The following GABRA2 variants were observed in gnomAD, a reference collection of about 807,000 sequenced individuals.
GABRA2 encodes the protein gamma-aminobutyric acid receptor subunit alpha-2.
A neutral mutation model predicts 48.7 loss-of-function variants in GABRA2; 16 were observed. The observed-to-expected ratio is 0.33, with a 90% CI of 0.22 to 0.50. The LOEUF (loss-of-function observed/expected upper bound fraction) is 0.50, where lower values mean the gene tolerates loss of function less well. GABRA2 is among the 20% of genes least tolerant of loss of function. GABRA2 has a pLI of 0.98. For missense variants in GABRA2, 275 were observed against 535.6 expected (o/e 0.51, Z 4.80); for synonymous variants, 185 against 184.5 (o/e 1.00, Z -0.02).
chr4:46,281,403 C>G (rs1721505518), intron 8 of GABRA2, among the ~76,000 whole-genome samples: 1 of 152,016 alleles, frequency 6.6e-6, no homozygotes, highest in Non-Finnish European at 1.5e-5. Flanking sequence ...GCCAGATGAA[C>G]TCAAATATTT....
intron 8 of GABRA2, among the ~76,000 whole-genome samples, chr4:46,269,277 A>T (rs1277226103): frequency 6.6e-6 from 1 of 151,850 alleles, no homozygotes. Context: ...TGTATTAAAA[A>T]TCATAACATC....
rs531839950 is a variant in GABRA2 at position 46,257,164 on chromosome 4, G to A, written c.1059+4762C>T. The stretch of plus-strand genomic sequence containing the variant: ...ACTTACAATATAACTATAATGTAAT[G>A]AGATGTTGTAAAAATAATTTGTACC... On this transcript the variant is annotated intron_variant, in intron 9 of 9. Transcript: ENST00000381620. Among the ~76,000 whole-genome samples the A allele has an allele frequency of 4.6e-5, 7 of 151,768 alleles. No homozygotes were observed. In the South Asian group the frequency reaches 1.4e-3, roughly 31 times the overall value.
chr4:46,302,572 C>T (rs1412944909), intron 8 of GABRA2: 2 of 151,984 alleles, frequency 1.3e-5, no homozygotes, highest in Non-Finnish European at 2.9e-5. Context: ...GTTTTAAGAT[C>T]ATCACTCTTC....
chr4:46,270,703 A>C (rs1375095505), intron 8 of GABRA2, among the ~76,000 whole-genome samples: 1 of 152,014 alleles, frequency 6.6e-6, no homozygotes, highest in Non-Finnish European at 1.5e-5. Context: ...CAGCACTTTT[A>C]TATTTTGGTT....
chr4:46,298,383 C>T (rs769819371), intron 8 of GABRA2, among the ~76,000 whole-genome samples: 3 of 150,970 alleles, frequency 2.0e-5, no homozygotes, highest in Non-Finnish European at 4.4e-5. Context: ...CTTACAGAGA[C>T]AATCTTTACA....
intron 4 of GABRA2, among the ~76,000 whole-genome samples, chr4:46,316,791 C>T (rs1345163666): frequency 1.3e-5 from 2 of 151,930 alleles, no homozygotes; most frequent in Non-Finnish European, 2.9e-5. Flanking sequence ...CTGTTCACTT[C>T]ATCTACTCAG....
At chr4:46,360,502 C>T (rs1429453306) in intron 3 of GABRA2, among the ~76,000 whole-genome samples, 1 of 152,248 alleles carries the variant, frequency 6.6e-6, no homozygotes, top group Non-Finnish European at 1.5e-5. Context: ...GATTGTGAGG[C>T]TTTCCCAGCC....
chr4:46,354,025 T>C (rs1735575778), intron 3 of GABRA2, among the ~76,000 whole-genome samples: 1 of 152,190 alleles, frequency 6.6e-6, no homozygotes, highest in Admixed American at 6.6e-5. Context: ...AATAAATTTA[T>C]GAAGAATTAA....
At chr4:46,286,350 T>A (rs1424753682) in intron 8 of GABRA2, among the ~76,000 whole-genome samples, 1 of 152,126 alleles carries the variant, frequency 6.6e-6, no homozygotes, top group Non-Finnish European at 1.5e-5. Context: ...ATTCGTTTGT[T>A]AATGAAAATT....
chr4:46,264,695 C>T (rs1717748979), intron 8 of GABRA2, among the ~76,000 whole-genome samples: 1 of 151,646 alleles, frequency 6.6e-6, no homozygotes, highest in African/African-American at 2.4e-5. Context: ...GTAATACGGC[C>T]TTATAAAGTG....
At chr4:46,361,113 G>A (rs1713108590) in intron 3 of GABRA2, among the ~76,000 whole-genome samples, 1 of 152,164 alleles carries the variant, frequency 6.6e-6, no homozygotes, top group East Asian at 1.9e-4. Flanking sequence ...TTTCTGAGGA[G>A]AAATTTAAGA....
intron 8 of GABRA2, among the ~76,000 whole-genome samples, chr4:46,282,215 C>T (rs1007679075): frequency 1.3e-5 from 2 of 152,152 alleles, no homozygotes; most frequent in Non-Finnish European, 2.9e-5. Flanking sequence ...TTCCTCTTCC[C>T]TCTTCAGGGT....
chr4:46,329,579 C>T (rs907841353), intron 4 of GABRA2, among the ~76,000 whole-genome samples: 1 of 152,092 alleles, frequency 6.6e-6, no homozygotes, highest in Non-Finnish European at 1.5e-5. Flanking sequence ...TCTTCAGTTT[C>T]TTTCTGATTT....
rs541256903 is a variant in GABRA2 at position 46,250,413 on chromosome 4, A to G, written c.1251T>C (p.Ile417=). The change falls in exon 10 of 10, where the codon ATT becomes ATC. Residue 417 remains isoleucine, a synonymous_variant. Transcript: ENST00000381620. ...GAAAAACTATTCTGGACATTCTGTC[A>G]ATTTTGCTAACACTGTTGAAAGTTT... is the stretch of plus-strand genomic sequence containing the variant. ...AKKTFNSVSK[I]DRMSRIVFPV... 1 of 1,611,838 alleles carries G rather than the reference A, an allele frequency of 6.2e-7. No individual in the cohort carries two copies. The highest frequency in any genetic ancestry group is 2.2e-5 in the East Asian group (1 of 44,800).
chr4:46,376,994 C>A lies in GABRA2; in HGVS notation c.187+9080G>T, dbSNP rs375009976. On this transcript the variant is annotated intron_variant, in intron 3 of 9. Transcript: ENST00000381620. ...GCAAGTGATCCACCAGCCTCGGCAT[C>A]CTGAGGTGCCGGGATTGCAGACGGA... Among the ~76,000 whole-genome samples the A allele has an allele frequency of 7.2e-5, 11 of 152,264 alleles. No individual in the cohort carries two copies. The East Asian group carries it at 1.9e-3, about 27-fold the overall frequency.
chr4:46,378,023 G>A (rs1484855561), intron 3 of GABRA2, among the ~76,000 whole-genome samples: 53 of 138,812 alleles, frequency 3.8e-4, no homozygotes, highest in African/African-American at 1.2e-3. Flanking sequence ...CGCCCCGTCC[G>A]GGAGGGAGGT....
At chr4:46,275,520 G>T (rs1286138148) in intron 8 of GABRA2, among the ~76,000 whole-genome samples, 3 of 152,066 alleles carry the variant, frequency 2.0e-5, no homozygotes, top group Non-Finnish European at 4.4e-5. Flanking sequence ...TATAGAAGAG[G>T]TTCAACCTGA....
chr4:46,388,751 C>G (rs1333692430), intron 1 of GABRA2, 35 bp from the exon 2 acceptor site: 1 of 1,612,528 alleles, frequency 6.2e-7, no homozygotes, highest in Non-Finnish European at 8.5e-7. Context: ...ACAAAATACA[C>G]TTAAAATTGC....
chr4:46,363,172 G>A (rs1416346525), intron 3 of GABRA2, among the ~76,000 whole-genome samples: 2 of 152,128 alleles, frequency 1.3e-5, no homozygotes, highest in East Asian at 1.9e-4. Context: ...GGATAAGATA[G>A]ATGATAAGAA....
Sources: allele counts gnomAD v4.1 joint callset (sites outside exome capture counted in the v4.1 genomes callset), GRCh38; gene constraint gnomAD v4.1.1; transcripts MANE v1.5; gene names NCBI Gene and HGNC (gene_info 2026-07-23, HGNC 2026-07-21).